The following IMPG1 variants were observed in gnomAD, a reference collection of about 807,000 sequenced individuals.
IMPG1 encodes the protein interphotoreceptor matrix proteoglycan of 150 kDa.
A neutral mutation model predicts 92.0 loss-of-function variants in IMPG1; 85 were observed. The ratio of observed to expected loss-of-function variants is 0.92; its 90% CI spans 0.78 to 1.11. The LOEUF is 1.11. IMPG1 is among the 50% of genes least tolerant of loss of function. The probability of loss-of-function intolerance (pLI) is 0.00; values close to 1 mark genes in which losing one functional copy is unlikely to be tolerated. For missense variants in IMPG1, 1,022 were observed against 956.0 expected (o/e 1.07, Z -0.91); for synonymous variants, 367 against 334.1 (o/e 1.10, Z -1.08).
In IMPG1 at chr6:76,018,819, C is replaced by T; in HGVS notation, c.706G>A (p.Val236Met). The change falls in exon 7 of 17, where the codon GTG (valine) becomes ATG (methionine). Residue 236 changes from valine to methionine, a missense_variant. Coordinates refer to ENST00000369950, the MANE Select transcript of IMPG1 (RefSeq NM_001563.4). ...TEFAVLEEQR[V>M]ELSVSLVNQK... Reference sequence around the variant, plus strand: ...TTTACCAGAGAGACGCTGAGCTCCACCCTCTGCTCCTCCAACACAGCGAAT... The same window carrying T: ...TTTACCAGAGAGACGCTGAGCTCCATCCTCTGCTCCTCCAACACAGCGAAT... 6.2e-7 allele frequency: 1 copy of T among 1,611,620 alleles called. No individual in the cohort carries two copies. The highest frequency in any genetic ancestry group is 2.2e-5 in the East Asian group (1 of 44,696).
At chr6:75,954,363 GTGA>G (rs1469545141) in intron 12 of IMPG1, among the ~76,000 whole-genome samples, 2 of 152,304 alleles carry the variant, frequency 1.3e-5, no homozygotes, top group African/African-American at 4.8e-5. Flanking sequence ...CTAATGACCA[GTGA>G]TGATGAGCTT....
intron 12 of IMPG1, among the ~76,000 whole-genome samples, chr6:75,998,759 C>A (rs1387039595): frequency 6.6e-6 from 1 of 152,162 alleles, no homozygotes; most frequent in South Asian, 2.1e-4. Flanking sequence ...AAAATTTTTA[C>A]CCTGTGAATT....
At chr6:75,945,345 CTT>C (rs1247870761) in intron 14 of IMPG1, among the ~76,000 whole-genome samples, 4 of 134,584 alleles carry the variant, frequency 3.0e-5, no homozygotes, top group East Asian at 2.1e-4. Context: ...CTTTTCTTCT[CTT>C]TTTTTTTTTT....
intron 4 of IMPG1, among the ~76,000 whole-genome samples, chr6:76,029,284 T>A (rs945170937): frequency 6.6e-6 from 1 of 152,194 alleles, no homozygotes; most frequent in Admixed American, 6.5e-5. Flanking sequence ...CATTAAAAGG[T>A]CTCACCTGAG....
chr6:75,962,630 C>A (rs6923889), intron 12 of IMPG1, among the ~76,000 whole-genome samples: 356 of 152,254 alleles, frequency 2.3e-3, no homozygotes, highest in African/African-American at 8.3e-3. Flanking sequence ...ACCCAGAAGA[C>A]AGCGGTCCAA....
At chr6:76,035,936 G>T (rs1783735462) in intron 2 of IMPG1, among the ~76,000 whole-genome samples, 1 of 152,156 alleles carries the variant, frequency 6.6e-6, no homozygotes. Flanking sequence ...ATTAAAAGGA[G>T]TCCTAATAGG....
intron 6 of IMPG1, among the ~76,000 whole-genome samples, chr6:76,021,130 C>T (rs762774157): frequency 2.1e-4 from 32 of 152,178 alleles, no homozygotes; most frequent in Non-Finnish European, 4.0e-4. Context: ...TTCAAAAGAA[C>T]CTTGGTCTAC....
In IMPG1 at chr6:76,018,805, G is replaced by C. The variant is rs755155709; in HGVS notation, c.720C>G (p.Val240=). 3 of 1,612,366 alleles carry C rather than the reference G, an allele frequency of 1.9e-6. No individual in the cohort carries two copies. In the African/African-American group the frequency reaches 4.0e-5, roughly 22 times the overall value. Reference sequence around the variant, plus strand: ...CCTTGAACTTCTGGTTTACCAGAGAGACGCTGAGCTCCACCCTCTGCTCCT... The same window carrying C: ...CCTTGAACTTCTGGTTTACCAGAGACACGCTGAGCTCCACCCTCTGCTCCT... ...VLEEQRVELS[V]SLVNQKFKAE... is the part of the protein sequence containing the mutation. The change falls in exon 7 of 17, where the codon GTC becomes GTG. Residue 240 remains valine, a synonymous_variant. Coordinates refer to ENST00000369950, the MANE Select transcript of IMPG1 (RefSeq NM_001563.4).
chr6:76,058,708 G>A (rs1322313682), intron 1 of IMPG1, among the ~76,000 whole-genome samples: 1 of 152,126 alleles, frequency 6.6e-6, no homozygotes, highest in Non-Finnish European at 1.5e-5. Context: ...ATCTGGCTAG[G>A]GGACTAGTTT....
chr6:76,044,094 C>T (rs550475213), intron 1 of IMPG1, among the ~76,000 whole-genome samples: 336 of 152,210 alleles, frequency 2.2e-3, no homozygotes, highest in African/African-American at 7.8e-3. Flanking sequence ...ACCAGTTTTT[C>T]GTGAGTCAAA....
intron 12 of IMPG1, among the ~76,000 whole-genome samples, chr6:75,963,382 T>C (rs1782240758): frequency 6.6e-6 from 1 of 152,202 alleles, no homozygotes; most frequent in South Asian, 2.1e-4. Flanking sequence ...TACTGCACAG[T>C]AAAGAGGTGT....
chr6:76,048,261 A>T (rs1362038467), intron 1 of IMPG1, among the ~76,000 whole-genome samples: 1 of 152,148 alleles, frequency 6.6e-6, no homozygotes. Context: ...CCTTAAGTAA[A>T]ATCACACTAT....
At position 75,960,896 on chromosome 6, in the gene IMPG1, G is replaced by A. The variant is rs546083227; in HGVS notation, c.1292-9802C>T. On this transcript the variant is annotated intron_variant, in intron 12 of 16. Transcript: ENST00000369950. The stretch of plus-strand genomic sequence containing the variant: ...CTGTGAGGGTATGGAGTGTGTTTAC[G>A]TGTATGTGTATGTGGCAGTCCATTG... 5.3e-5 allele frequency among the ~76,000 whole-genome samples: 8 copies of A among 152,296 alleles called. No individual in the cohort carries two copies. In the South Asian group the frequency reaches 1.2e-3, roughly 24 times the overall value.
At chr6:76,046,698 A>G (rs992622024) in intron 1 of IMPG1, among the ~76,000 whole-genome samples, 1 of 152,186 alleles carries the variant, frequency 6.6e-6, no homozygotes, top group African/African-American at 2.4e-5. Flanking sequence ...GGGGAATAAT[A>G]ATACCTCCCT....
chr6:76,056,878 G>T (rs577961276), intron 1 of IMPG1, among the ~76,000 whole-genome samples: 10 of 152,174 alleles, frequency 6.6e-5, no homozygotes, highest in African/African-American at 2.4e-4. Context: ...TTATAACAAA[G>T]ACATAGAATC....
Position 76,018,804 on chromosome 6 carries a change from A to G in IMPG1, c.721T>C (p.Ser241Pro). Residue 241 changes from serine (S) to proline (P), a missense_variant, in exon 7 of 17, where the codon TCT (serine) becomes CCT (proline). By Grantham distance (74) the Ser-to-Pro change is moderately conservative. This residue lies in a region of IMPG1 where 681 missense variants were observed against 583.6 expected (regional missense o/e 1.17). Transcript: ENST00000369950. ...LEEQRVELSV[S>P]LVNQKFKAEL... The stretch of plus-strand genomic sequence containing the variant: ...GCCTTGAACTTCTGGTTTACCAGAG[A>G]GACGCTGAGCTCCACCCTCTGCTCC... The G allele has an allele frequency of 2.5e-6, 4 of 1,612,756 alleles. No individual in the cohort carries two copies. The highest frequency in any genetic ancestry group is 3.4e-6 in the Non-Finnish European group (4 of 1,179,282).
At chr6:75,943,820 G>C (rs1781876168) in intron 14 of IMPG1, among the ~76,000 whole-genome samples, 1 of 152,170 alleles carries the variant, frequency 6.6e-6, no homozygotes, top group African/African-American at 2.4e-5. Flanking sequence ...AGAAAACTCA[G>C]TGCCCTCTTC....
At chr6:75,955,486 A>T (rs1351988928) in intron 12 of IMPG1, among the ~76,000 whole-genome samples, 6 of 151,820 alleles carry the variant, frequency 4.0e-5, no homozygotes, top group African/African-American at 1.5e-4. Flanking sequence ...TTATCAGCTT[A>T]AGGAGATTTT....
chr6:75,994,505 A>C (rs1044580619), intron 12 of IMPG1, among the ~76,000 whole-genome samples: 14 of 152,232 alleles, frequency 9.2e-5, no homozygotes, highest in African/African-American at 3.4e-4. Context: ...TGGGTAATTT[A>C]TAAAGGAAAG....
Sources: gnomAD v4.1 joint callset for allele counts (sites outside exome capture counted in the v4.1 genomes callset) on GRCh38, gnomAD v4.1.1 for gene constraint, gnomAD v4.1.1 regional missense constraint, MANE v1.5 for transcripts, NCBI Gene and HGNC (gene_info 2026-07-23, HGNC 2026-07-21) for gene names.